The following PTP4A3 variants were observed in gnomAD, a reference collection of about 807,000 sequenced individuals.
The protein encoded by PTP4A3 is protein tyrosine phosphatase 4A3, also known as protein tyrosine phosphatase type IVA 3.
In PTP4A3, 9 loss-of-function variants were observed where a neutral mutation model predicts 15.2. The observed-to-expected ratio is 0.59, with a 90% CI of 0.36 to 1.03. The LOEUF (loss-of-function observed/expected upper bound fraction) is 1.03, where lower values mean the gene tolerates loss of function less well. Ranked by LOEUF, PTP4A3 falls within the 50% of genes least tolerant of loss-of-function variation. PTP4A3 has a pLI of 0.02. For synonymous variants in PTP4A3, 95 were observed against 102.0 expected (o/e 0.93, Z 0.41); for missense variants, 234 against 252.1 (o/e 0.93, Z 0.49).
Position 141,425,199 on chromosome 8 carries a change from G to GGGGGCC in PTP4A3, c.198+62_198+63insGCCGGG. The GGGGGCC allele has an allele frequency of 2.4e-6, 2 of 844,218 alleles. No homozygotes were observed. Among genetic ancestry groups the GGGGGCC allele is most frequent in the Non-Finnish European group, 4.0e-6 (2 of 504,296 alleles). The allele number at this position is 844,218 out of a possible 1,614,324, so 52.3% of individuals were successfully genotyped here. A position where few individuals can be genotyped will look rare whatever the true frequency, so the allele number is the denominator to read the frequency against. ...CTGCCACCGGGGGAGGGTGGGGCGG[G>GGGGGCC]GGGCTCCGGGCCTGCGCAGAGGGTT... On this transcript the variant is annotated intron_variant, in intron 3 of 5. Transcript: ENST00000521578. This position sits in a 1 kb window ranked among gnomAD's most constrained non-coding sequence, Gnocchi z 4.2.
intron 1 of PTP4A3, among the ~76,000 whole-genome samples, chr8:141,396,965 A>G (rs2129789968): frequency 6.6e-6 from 1 of 152,042 alleles, no homozygotes; most frequent in Admixed American, 6.5e-5. Flanking sequence ...CTCCTGTGGG[A>G]GGGTAGCCGG....
At chr8:141,416,735 G>A (rs1293483685) in intron 1 of PTP4A3, among the ~76,000 whole-genome samples, 1 of 152,112 alleles carries the variant, frequency 6.6e-6, no homozygotes, top group Non-Finnish European at 1.5e-5. Context: ...CAGCCCTCCT[G>A]TCCTCTGCTC....
chr8:141,419,221 G>A (rs1833206106), intron 1 of PTP4A3, among the ~76,000 whole-genome samples: 1 of 152,228 alleles, frequency 6.6e-6, no homozygotes, highest in Non-Finnish European at 1.5e-5. Flanking sequence ...CTAGGCAGCA[G>A]GTCCAGGCCA....
intron 1 of PTP4A3, among the ~76,000 whole-genome samples, chr8:141,416,165 A>T (rs72685404): frequency 6.6e-6 from 1 of 152,002 alleles, no homozygotes; most frequent in Non-Finnish European, 1.5e-5. Context: ...AGCATCACAG[A>T]GCTTGATGGG....
chr8:141,400,745 T>A (rs1432466284), intron 1 of PTP4A3, among the ~76,000 whole-genome samples: 1 of 151,970 alleles, frequency 6.6e-6, no homozygotes, highest in Non-Finnish European at 1.5e-5. Flanking sequence ...AGCTCCTGCC[T>A]CCCCATAACT....
chr8:141,396,138 C>T (rs1195071635), intron 1 of PTP4A3, among the ~76,000 whole-genome samples: 1 of 152,242 alleles, frequency 6.6e-6, no homozygotes, highest in African/African-American at 2.4e-5. Context: ...GATTGCGGTA[C>T]AGCCAGAACC....
At chr8:141,400,360 A>T (rs35404500) in intron 1 of PTP4A3, among the ~76,000 whole-genome samples, 33,769 of 152,266 alleles carry the variant, frequency 0.22, 4,531 homozygotes, top group East Asian at 0.6. Context: ...TTCATTATAA[A>T]AATTCAAACA....
At chr8:141,395,226 CCTT>C (rs1223523896) in intron 1 of PTP4A3, among the ~76,000 whole-genome samples, 1 of 152,236 alleles carries the variant, frequency 6.6e-6, no homozygotes, top group Non-Finnish European at 1.5e-5. Flanking sequence ...TGTCTCCCCT[CCTT>C]GGGGCGCCTC....
intron 5 of PTP4A3, 94 bp from the exon 6 acceptor site, chr8:141,430,833 G>A: frequency 8.1e-7 from 1 of 1,234,032 alleles, no homozygotes. Flanking sequence ...CCTTACTCCA[G>A]CCCACTGCAC....
At chr8:141,394,316 C>T (rs550835025) in intron 1 of PTP4A3, among the ~76,000 whole-genome samples, 5 of 152,254 alleles carry the variant, frequency 3.3e-5, no homozygotes, top group African/African-American at 1.2e-4. Context: ...ATTTTTCGCC[C>T]CCCAAGACCT....
At chr8:141,411,509 C>T (rs113220133) in intron 1 of PTP4A3, among the ~76,000 whole-genome samples, 2 of 152,340 alleles carry the variant, frequency 1.3e-5, no homozygotes, top group East Asian at 1.9e-4. Flanking sequence ...GTCTCACCAT[C>T]GGGCCAGCCC....
chr8:141,429,553 GTGTA>G (rs1833750194), intron 5 of PTP4A3, among the ~76,000 whole-genome samples: 4 of 151,928 alleles, frequency 2.6e-5, no homozygotes, highest in Admixed American at 2.0e-4. Flanking sequence ...AGCAGGGTGA[GTGTA>G]CAGCCCAGGT....
In PTP4A3 at chr8:141,404,195, G is replaced by A. The variant is rs550993205; in HGVS notation, c.-854+12111G>A. 5.2e-5 allele frequency among the ~76,000 whole-genome samples: 8 copies of A among 152,402 alleles called. No individual in the cohort carries two copies. In the East Asian group the frequency reaches 1.5e-3, roughly 29 times the overall value. On this transcript the variant is annotated intron_variant, in intron 1 of 5. Transcript: ENST00000521578. ...CACATGCCACGCAATGGCCCTGAAA[G>A]GGAAGCGATTTTTTTTTCTCGTCAG...
Position 141,425,181 on chromosome 8 carries a change from C to CGGGG in PTP4A3, c.198+43_198+46dup. On this transcript the variant is annotated intron_variant, in intron 3 of 5. Transcript: ENST00000521578. The surrounding 1 kb of genome is among the most constrained non-coding windows in gnomAD (Gnocchi z 4.2). ...CGGGGACCCTAGTCACTGCTGCCAC[C>CGGGG]GGGGGAGGGTGGGGCGGGGGGCTCC... 2.9e-6 allele frequency: 1 copy of CGGGG among 345,392 alleles called. No individual in the cohort carries two copies. The highest frequency in any genetic ancestry group is 2.9e-5 in the African/African-American group (1 of 35,032). The allele number at this position is 345,392 out of a possible 1,614,324, so 21.4% of individuals were successfully genotyped here.
At chr8:141,420,258 A>G (rs1338353142) in intron 1 of PTP4A3, among the ~76,000 whole-genome samples, 2 of 152,128 alleles carry the variant, frequency 1.3e-5, no homozygotes, top group Non-Finnish European at 2.9e-5. Context: ...AGGGGGCTGG[A>G]GAGTCTGCTA....
intron 1 of PTP4A3, among the ~76,000 whole-genome samples, chr8:141,399,272 G>A (rs547181020): frequency 6.6e-5 from 10 of 152,302 alleles, no homozygotes; most frequent in African/African-American, 2.4e-4. Flanking sequence ...CCTCTGGCTC[G>A]CCTGGTCCTG....
At chr8:141,400,082 A>G (rs1012656082) in intron 1 of PTP4A3, among the ~76,000 whole-genome samples, 1 of 152,186 alleles carries the variant, frequency 6.6e-6, no homozygotes, top group Non-Finnish European at 1.5e-5. Flanking sequence ...TATTTTTTGT[A>G]GAGATGGCAT....
chr8:141,430,319 A>G (rs1302592527), intron 5 of PTP4A3, among the ~76,000 whole-genome samples: 1 of 143,886 alleles, frequency 6.9e-6, no homozygotes, highest in Non-Finnish European at 1.5e-5. Context: ...TGGCGGGGAC[A>G]GGGTGAGCAC....
chr8:141,407,349 TG>T (rs898409475), intron 1 of PTP4A3, among the ~76,000 whole-genome samples: 17 of 152,184 alleles, frequency 1.1e-4, no homozygotes, highest in African/African-American at 4.1e-4. Flanking sequence ...ACAGAAGTTG[TG>T]GGTGATGGTT....
Sources: gnomAD v4.1 joint callset for allele counts (sites outside exome capture counted in the v4.1 genomes callset) on GRCh38, gnomAD v4.1.1 for gene constraint, Gnocchi (gnomAD v3.1) non-coding constraint, MANE v1.5 for transcripts, NCBI Gene and HGNC (gene_info 2026-07-23, HGNC 2026-07-21) for gene names.